JAZF1: variants seen among roughly 807,000 people sequenced by gnomAD.
JAZF1 encodes the protein juxtaposed with another zinc finger protein 1.
A neutral mutation model predicts 26.4 loss-of-function variants in JAZF1; 8 were observed. That is an observed-to-expected ratio of 0.30 (90% CI 0.18 to 0.55). The LOEUF (loss-of-function observed/expected upper bound fraction) is 0.55, where lower values mean the gene tolerates loss of function less well. Among genes scored for constraint, JAZF1 ranks in the 20% least tolerant of loss-of-function variants. The pLI is 0.94. For synonymous variants in JAZF1, 126 were observed against 122.3 expected, an observed-to-expected ratio of 1.03 and a Z score of -0.20; for missense variants, 199 against 322.0, an observed-to-expected ratio of 0.62 and a Z score of 2.92.
chr7:27,985,435 AG>A (rs1448890731), intron 2 of JAZF1, among the ~76,000 whole-genome samples: 1 of 152,124 alleles, frequency 6.6e-6, no homozygotes, highest in Non-Finnish European at 1.5e-5. Context: ...GACCAATAAC[AG>A]GTTCTGAAAT....
At chr7:28,124,711 TCTAA>T (rs1488796212) in intron 1 of JAZF1, among the ~76,000 whole-genome samples, 3 of 152,314 alleles carry the variant, frequency 2.0e-5, no homozygotes, top group African/African-American at 7.2e-5. Flanking sequence ...AGATCACCAT[TCTAA>T]CTAAGTTAAA....
chr7:28,095,297 G>T (rs2127924442), intron 1 of JAZF1, among the ~76,000 whole-genome samples: 1 of 152,126 alleles, frequency 6.6e-6, no homozygotes, highest in East Asian at 1.9e-4. Context: ...AAAGGAAAGA[G>T]GTTTAATTGT....
intron 3 of JAZF1, among the ~76,000 whole-genome samples, chr7:27,858,568 A>G (rs1174692827): frequency 6.6e-6 from 1 of 152,228 alleles, no homozygotes. Flanking sequence ...GGCCTCAGAA[A>G]TAATGCCACA....
Position 28,078,302 on chromosome 7 carries a change from A to G in JAZF1, c.116-86321T>C, listed in dbSNP as rs149775233. On this transcript the variant is annotated intron_variant, in intron 1 of 4. Transcript: ENST00000283928. ...CAAATTATCTTTAAGCCTTTCTAGCATTAGTTTCTCCATCTATAAAATGGG... is the reference window on the plus strand; with the variant it reads ...CAAATTATCTTTAAGCCTTTCTAGCGTTAGTTTCTCCATCTATAAAATGGG... 2.1e-3 allele frequency among the ~76,000 whole-genome samples: 319 copies of G among 152,348 alleles called. 2 individuals carry two copies. In the East Asian group the frequency reaches 0.022, roughly 10 times the overall value.
chr7:27,845,365 G>A (rs544020861), intron 3 of JAZF1, among the ~76,000 whole-genome samples: 5 of 152,226 alleles, frequency 3.3e-5, no homozygotes, highest in African/African-American at 9.6e-5. Flanking sequence ...AATGAACAAT[G>A]CAGACCACTG....
At position 27,911,930 on chromosome 7, in the gene JAZF1, C is replaced by G. The variant is rs78805172; in HGVS notation, c.189-16514G>C. 7.7e-3 allele frequency among the ~76,000 whole-genome samples: 1,171 copies of G among 152,168 alleles called. 15 individuals carry two copies. The highest frequency in any genetic ancestry group is 0.027 in the African/African-American group (1,124 of 41,506). On this transcript the variant is annotated intron_variant, in intron 2 of 4. Transcript: ENST00000283928. ...TATTTTTATGTTTTTAGATGAACAT[C>G]TGGGGTACAAACATTATTTAAGAGT...
chr7:28,026,383 G>A lies in JAZF1; in HGVS notation c.116-34402C>T, dbSNP rs543276214. 9.2e-5 allele frequency among the ~76,000 whole-genome samples: 14 copies of A among 152,260 alleles called. No homozygotes were observed. In the East Asian group the frequency reaches 1.9e-3, roughly 21 times the overall value. On this transcript the variant is annotated intron_variant, in intron 1 of 4. Transcript: ENST00000283928. ...TCAAAAGAGGACTAAAAGAATAAGAGAATGCAGTGCAGACACAAGAGCTCT... is the reference window on the plus strand; with the variant it reads ...TCAAAAGAGGACTAAAAGAATAAGAAAATGCAGTGCAGACACAAGAGCTCT...
intron 1 of JAZF1, among the ~76,000 whole-genome samples, chr7:28,084,881 C>T (rs945037380): frequency 2.0e-5 from 3 of 152,168 alleles, no homozygotes; most frequent in Admixed American, 6.5e-5. Context: ...GCCTTTAAGA[C>T]GTGAATGGAT....
chr7:28,002,325 G>T (rs185233), intron 1 of JAZF1, among the ~76,000 whole-genome samples: 136,820 of 152,206 alleles, frequency 0.9, 62,247 homozygotes, highest in African/African-American at 0.98. Context: ...TATGAAAGAC[G>T]GGGGGGAAAA....
At chr7:27,923,016 G>A (rs2128348350) in intron 2 of JAZF1, among the ~76,000 whole-genome samples, 1 of 152,334 alleles carries the variant, frequency 6.6e-6, no homozygotes, top group South Asian at 2.1e-4. Context: ...GACCCGAAGG[G>A]AGTTATGAGG....
chr7:27,949,483 T>A (rs879118839), intron 2 of JAZF1, among the ~76,000 whole-genome samples: 4 of 152,194 alleles, frequency 2.6e-5, no homozygotes, highest in Admixed American at 2.6e-4. Context: ...TCCCTGTGGG[T>A]CTGAGCCACA....
intron 2 of JAZF1, among the ~76,000 whole-genome samples, chr7:27,912,560 G>A (rs1433676235): frequency 6.6e-6 from 1 of 152,158 alleles, no homozygotes; most frequent in Non-Finnish European, 1.5e-5. Flanking sequence ...GGGTGATGCA[G>A]AGAGGGAGGA....
intron 1 of JAZF1, among the ~76,000 whole-genome samples, chr7:28,138,350 A>G (rs1184095643): frequency 6.6e-6 from 1 of 152,220 alleles, no homozygotes; most frequent in East Asian, 1.9e-4. Context: ...CCAACCTACT[A>G]TTAATTAATT....
intron 1 of JAZF1, among the ~76,000 whole-genome samples, chr7:28,022,131 C>T (rs1341076043): frequency 6.6e-6 from 1 of 152,232 alleles, no homozygotes; most frequent in African/African-American, 2.4e-5. Flanking sequence ...GAAACCCAGT[C>T]TCAAAGACCT....
At chr7:27,888,995 G>A (rs145273595) in intron 3 of JAZF1, among the ~76,000 whole-genome samples, 57 of 152,260 alleles carry the variant, frequency 3.7e-4, no homozygotes, top group African/African-American at 1.2e-3. Context: ...GGAGGTCAAG[G>A]AAACGGATTA....
At chr7:28,137,251 G>T (rs1782900441) in intron 1 of JAZF1, among the ~76,000 whole-genome samples, 1 of 152,176 alleles carries the variant, frequency 6.6e-6, no homozygotes, top group African/African-American at 2.4e-5. Context: ...AAGGGTCTAG[G>T]TAGAGAAGTA....
intron 1 of JAZF1, among the ~76,000 whole-genome samples, chr7:28,118,761 T>TACACACACACACACAC (rs10612400): frequency 1.3e-5 from 2 of 148,686 alleles, no homozygotes; most frequent in African/African-American, 5.0e-5. Flanking sequence ...AAGAGAGTTT[T>TACACACACACACACAC]ACACACACAC....
chr7:27,895,874 C>T (rs1230670178), intron 2 of JAZF1, among the ~76,000 whole-genome samples: 8 of 152,098 alleles, frequency 5.3e-5, no homozygotes, highest in Non-Finnish European at 1.0e-4. Context: ...TAAATGGCCT[C>T]ATGAAAACTT....
intron 1 of JAZF1, among the ~76,000 whole-genome samples, chr7:28,049,331 G>A (rs1338492854): frequency 2.0e-5 from 3 of 151,734 alleles, no homozygotes; most frequent in African/African-American, 7.3e-5. Flanking sequence ...TAATCCATCT[G>A]CCTCGGCCTC....
Sources: allele counts gnomAD v4.1 joint callset (sites outside exome capture counted in the v4.1 genomes callset), GRCh38; gene constraint gnomAD v4.1.1; transcripts MANE v1.5; gene names NCBI Gene and HGNC (gene_info 2026-07-23, HGNC 2026-07-21).